ARHGAP6: variants seen among roughly 807,000 people sequenced by gnomAD.
The protein encoded by ARHGAP6 is Rho GTPase activating protein 6, also known as rho GTPase-activating protein 6.
ARHGAP6 carries 16 observed loss-of-function variants against 55.7 expected under a neutral mutation model. The observed-to-expected ratio is 0.29, with a 90% CI of 0.19 to 0.44. The LOEUF is 0.44. Among genes scored for constraint, ARHGAP6 ranks in the 20% least tolerant of loss-of-function variants. The pLI is 1.00. For synonymous variants in ARHGAP6, 382 were observed against 360.9 expected (o/e 1.06, Z -0.66); for missense variants, 698 against 808.9 (o/e 0.86, Z 1.66).
chrX:11,566,068 A>G lies in ARHGAP6; in HGVS notation c.588+98173T>C, dbSNP rs141291731. On this transcript the variant is annotated intron_variant, in intron 1 of 12. Coordinates refer to ENST00000337414, the MANE Select transcript of ARHGAP6 (RefSeq NM_013427.3). ...GCACTTCCTCTTCACCCCAGATACGAATTTAGTGCAAGTACGATAGAGATT... is the reference window on the plus strand; with the variant it reads ...GCACTTCCTCTTCACCCCAGATACGGATTTAGTGCAAGTACGATAGAGATT... Among the ~76,000 whole-genome samples the G allele has an allele frequency of 1.4e-3, 160 of 112,302 alleles. 1 individual carries two copies. Among genetic ancestry groups the G allele is most frequent in the African/African-American group, 5.0e-3 (155 of 30,943 alleles).
chrX:11,470,110 T>TA (rs1215047882), intron 1 of ARHGAP6, among the ~76,000 whole-genome samples: 1 of 112,069 alleles, frequency 8.9e-6, no homozygotes, highest in Non-Finnish European at 1.9e-5. Flanking sequence ...CCAAATACTG[T>TA]AAGTGGACAT....
At chrX:11,163,604 A>T (rs2045978641) in intron 9 of ARHGAP6, among the ~76,000 whole-genome samples, 1 of 112,613 alleles carries the variant, frequency 8.9e-6, no homozygotes, top group African/African-American at 3.2e-5. Context: ...CAAACACACT[A>T]AAAGAAATCA....
At chrX:11,572,329 C>G (rs1226743179) in intron 1 of ARHGAP6, among the ~76,000 whole-genome samples, 4 of 109,471 alleles carry the variant, frequency 3.7e-5, no homozygotes, top group Non-Finnish European at 5.7e-5. Flanking sequence ...CTAATGCTAT[C>G]CCTCCCCCCT....
intron 1 of ARHGAP6, chrX:11,351,554 C>T (rs910294811): frequency 3.1e-5 from 23 of 751,667 alleles, no homozygotes; most frequent in Non-Finnish European, 3.6e-5. Flanking sequence ...AAGTGAGAAG[C>T]CATGGGCCTT....
intron 1 of ARHGAP6, among the ~76,000 whole-genome samples, chrX:11,429,863 G>A (rs943982080): frequency 6.2e-5 from 7 of 112,219 alleles, no homozygotes; most frequent in Non-Finnish European, 1.3e-4. Context: ...TTCACCATCT[G>A]GCATCTTTCA....
chrX:11,662,104 G>A (rs181933483), intron 1 of ARHGAP6, among the ~76,000 whole-genome samples: 1 of 112,153 alleles, frequency 8.9e-6, no homozygotes, highest in East Asian at 2.8e-4. Flanking sequence ...CCTCTAAGCA[G>A]CCTTGCAAGA....
At chrX:11,649,182 C>T (rs1270219921) in intron 1 of ARHGAP6, among the ~76,000 whole-genome samples, 1 of 111,818 alleles carries the variant, frequency 8.9e-6, no homozygotes, top group Non-Finnish European at 1.9e-5. Context: ...GAAGCCCAAA[C>T]TAGTCAGTTG....
chrX:11,360,580 C>T (rs749502353), intron 1 of ARHGAP6, among the ~76,000 whole-genome samples: 48 of 108,455 alleles, frequency 4.4e-4, no homozygotes, highest in African/African-American at 1.6e-3. Context: ...GGAAGCATTC[C>T]CTTTGAAAAC....
chrX:11,642,616 T>C (rs2052486439), intron 1 of ARHGAP6, among the ~76,000 whole-genome samples: 1 of 112,353 alleles, frequency 8.9e-6, no homozygotes, highest in Non-Finnish European at 1.9e-5. Flanking sequence ...TACAAAGGAA[T>C]GAAGTTCAGA....
At chrX:11,595,939 T>C (rs1436444175) in intron 1 of ARHGAP6, among the ~76,000 whole-genome samples, 3 of 111,977 alleles carry the variant, frequency 2.7e-5, no homozygotes, top group African/African-American at 9.8e-5. Context: ...CTGGAAAGGA[T>C]GTGGAGAAAT....
At chrX:11,385,202 T>A (rs979508230) in intron 1 of ARHGAP6, among the ~76,000 whole-genome samples, 3 of 111,306 alleles carry the variant, frequency 2.7e-5, no homozygotes, top group African/African-American at 9.8e-5. Context: ...AAATTTGAAG[T>A]CACATTCTCA....
At chrX:11,180,565 A>G (rs151269332) in intron 6 of ARHGAP6, among the ~76,000 whole-genome samples, 170 of 111,914 alleles carry the variant, frequency 1.5e-3, no homozygotes, top group Middle Eastern at 9.2e-3. Context: ...GTTATATAAC[A>G]AAGTAAAATG....
At chrX:11,160,549 G>A (rs1233566264) in intron 9 of ARHGAP6, among the ~76,000 whole-genome samples, 1 of 111,549 alleles carries the variant, frequency 9.0e-6, no homozygotes. Flanking sequence ...TCAGAGTGGT[G>A]CAAGCATGAC....
intron 1 of ARHGAP6, among the ~76,000 whole-genome samples, chrX:11,544,969 T>G (rs1447325096): frequency 2.7e-5 from 3 of 112,332 alleles, no homozygotes; most frequent in Non-Finnish European, 3.8e-5. Context: ...ACAAAAAATA[T>G]GTAGATAGTT....
At chrX:11,411,534 G>T (rs1225946151) in intron 1 of ARHGAP6, among the ~76,000 whole-genome samples, 1 of 109,077 alleles carries the variant, frequency 9.2e-6, no homozygotes, top group Admixed American at 1.0e-4. Flanking sequence ...TTAGAAAGTC[G>T]AGTTTCTTAG....
chrX:11,187,181 T>C (rs1188534484), intron 4 of ARHGAP6, among the ~76,000 whole-genome samples: 1 of 111,283 alleles, frequency 9.0e-6, no homozygotes, highest in East Asian at 2.8e-4. Flanking sequence ...ATCTCCTAAG[T>C]ACTTACAGCC....
chrX:11,463,296 A>G (rs2050262754), intron 1 of ARHGAP6, among the ~76,000 whole-genome samples: 1 of 111,907 alleles, frequency 8.9e-6, no homozygotes. Context: ...CTATGAAAAA[A>G]CATAATTCAA....
chrX:11,626,091 C>A (rs1455629685), intron 1 of ARHGAP6, among the ~76,000 whole-genome samples: 1 of 111,347 alleles, frequency 9.0e-6, no homozygotes, highest in East Asian at 2.8e-4. Flanking sequence ...AAAATGGCAA[C>A]CTGTAAGTCA....
At chrX:11,454,110 A>ATTTTTT (rs1187605203) in intron 1 of ARHGAP6, among the ~76,000 whole-genome samples, 106 of 76,730 alleles carry the variant, frequency 1.4e-3, no homozygotes, top group African/African-American at 2.2e-3. Flanking sequence ...CGCACGGCTA[A>ATTTTTT]TTTTTTTTTT....
Sources: allele counts gnomAD v4.1 joint callset (sites outside exome capture counted in the v4.1 genomes callset), GRCh38; gene constraint gnomAD v4.1.1; transcripts MANE v1.5; gene names NCBI Gene and HGNC (gene_info 2026-07-23, HGNC 2026-07-21).